The following SH3GL3 variants were observed in gnomAD, a reference collection of about 807,000 sequenced individuals.
SH3GL3 encodes endophilin-A3.
Under a neutral mutation model 47.7 loss-of-function variants are expected in SH3GL3, and 33 were observed. The ratio of observed to expected loss-of-function variants is 0.69; its 90% CI spans 0.52 to 0.92. The LOEUF is 0.92. Among genes scored for constraint, SH3GL3 ranks in the 40% least tolerant of loss-of-function variants. The pLI, the probability that SH3GL3 is intolerant of heterozygous loss-of-function variation, is 0.00. For missense variants in SH3GL3, 363 were observed against 417.8 expected (o/e 0.87, Z 1.14); for synonymous variants, 155 against 148.8 (o/e 1.04, Z -0.30).
At chr15:83,566,401 T>C (rs1233310133) in intron 3 of SH3GL3, among the ~76,000 whole-genome samples, 1 of 150,480 alleles carries the variant, frequency 6.6e-6, no homozygotes, top group Non-Finnish European at 1.5e-5. Flanking sequence ...TGTGTGTGTG[T>C]GTGTGTAGTG....
intron 8 of SH3GL3, among the ~76,000 whole-genome samples, chr15:83,614,936 C>T (rs958157205): frequency 2.6e-5 from 4 of 152,288 alleles, no homozygotes; most frequent in Non-Finnish European, 4.4e-5. Flanking sequence ...AATACCCCAA[C>T]GTACCTATTC....
At chr15:83,588,570 C>T in intron 7 of SH3GL3, 92 bp from the exon 8 acceptor site, 1 of 801,126 alleles carries the variant, frequency 1.2e-6, no homozygotes, top group South Asian at 1.5e-5. Flanking sequence ...TGGCTGTAAC[C>T]TAAGTTCCTG....
chr15:83,561,578 A>G (rs1282781467), intron 2 of SH3GL3, among the ~76,000 whole-genome samples: 1 of 152,206 alleles, frequency 6.6e-6, no homozygotes, highest in Non-Finnish European at 1.5e-5. Flanking sequence ...AAAAGAGATT[A>G]ATAAAATAGA....
At chr15:83,497,404 C>T (rs550864805) in intron 1 of SH3GL3, among the ~76,000 whole-genome samples, 4 of 152,296 alleles carry the variant, frequency 2.6e-5, no homozygotes, top group African/African-American at 9.6e-5. Context: ...CCCCCCTTCT[C>T]GCTATCTCTT....
chr15:83,568,683 CAG>C lies in SH3GL3; in HGVS notation c.331+15_331+16del. 1 of 1,610,340 alleles carries C rather than the reference CAG, an allele frequency of 6.2e-7. No homozygotes were observed. The highest frequency in any genetic ancestry group is 8.5e-7 in the Non-Finnish European group (1 of 1,176,880). On this transcript the variant is annotated intron_variant, in intron 4 of 8. Transcript: ENST00000427482. ...AAGACTCCACCTTTGGTGAGTTATT[CAG>C]AGATCAGCTGGGGGAGCTGAGAACT...
chr15:83,552,688 G>T (rs2732153), intron 1 of SH3GL3, among the ~76,000 whole-genome samples: 121,912 of 152,110 alleles, frequency 0.8, 49,829 homozygotes, highest in African/African-American at 0.86. Flanking sequence ...GGGGGATATA[G>T]GTATATGTGC....
intron 6 of SH3GL3, among the ~76,000 whole-genome samples, 199 bp downstream of exon 6, chr15:83,576,940 C>T (rs1169008514): frequency 5.4e-4 from 3 of 5,520 alleles, no homozygotes; most frequent in African/African-American, 2.5e-3. Context: ...TTTTTTGAGA[C>T]GCTGTCTCGC....
intron 1 of SH3GL3, among the ~76,000 whole-genome samples, chr15:83,532,247 T>G (rs996506239): frequency 6.6e-6 from 1 of 152,128 alleles, no homozygotes; most frequent in Non-Finnish European, 1.5e-5. Flanking sequence ...GTGAAAAAAT[T>G]GAAGTTTGAG....
At chr15:83,611,371 G>T (rs1489149800) in intron 8 of SH3GL3, 1 of 152,008 alleles carries the variant, frequency 6.6e-6, no homozygotes, top group African/African-American at 2.4e-5. Flanking sequence ...CTTTAACAAG[G>T]AAGACTGTGT....
At chr15:83,541,312 A>ATTTTTTTTTTTTTTTTTT (rs71156085) in intron 1 of SH3GL3, among the ~76,000 whole-genome samples, 2 of 47,342 alleles carry the variant, frequency 4.2e-5, no homozygotes, top group African/African-American at 7.0e-5. Flanking sequence ...TGGTAATTCT[A>ATTTTTTTTTTTTTTTTTT]TTTTTTTTTT....
intron 1 of SH3GL3, among the ~76,000 whole-genome samples, chr15:83,499,410 A>AG (rs1870808270): frequency 6.6e-6 from 1 of 151,786 alleles, no homozygotes; most frequent in Non-Finnish European, 1.5e-5. Flanking sequence ...AAAAAAAAAA[A>AG]AGAAAGGCAC....
chr15:83,491,868 G>A (rs1409919334), intron 1 of SH3GL3, among the ~76,000 whole-genome samples: 1 of 152,126 alleles, frequency 6.6e-6, no homozygotes, highest in East Asian at 1.9e-4. Flanking sequence ...CTTTCAAGCC[G>A]GGCAAACCTT....
At chr15:83,608,307 A>G (rs536447897) in intron 8 of SH3GL3, among the ~76,000 whole-genome samples, 2 of 152,288 alleles carry the variant, frequency 1.3e-5, no homozygotes, top group Admixed American at 6.5e-5. Context: ...CAACACTTCA[A>G]ATTTCCAGAT....
intron 2 of SH3GL3, among the ~76,000 whole-genome samples, chr15:83,560,893 G>A (rs984510952): frequency 2.0e-5 from 3 of 151,970 alleles, no homozygotes; most frequent in Non-Finnish European, 4.4e-5. Context: ...AATTAAAAAA[G>A]CTTTTTAATT....
Position 83,587,043 on chromosome 15 carries a change from T to A in SH3GL3, c.685T>A (p.Ser229Thr), listed in dbSNP as rs1364484154. Residue 229 changes from serine to threonine, a missense_variant, in exon 7 of 9, where the codon TCC (serine) becomes ACC (threonine). Ser to Thr is a moderately conservative substitution (Grantham distance 58, BLOSUM62 1). Coordinates refer to ENST00000427482, the MANE Select transcript of SH3GL3 (RefSeq NM_003027.5). Reference protein sequence around the residue: ...IEAALDYHRQSTEILQELQSK... With the variant: ...IEAALDYHRQTTEILQELQSK... ...GGCAGCATTAGACTATCACAGACAG[T>A]CCACAGAGATTCTGCAGGAGCTGCA... 1 of 1,611,076 alleles carries A rather than the reference T, an allele frequency of 6.2e-7. No individual in the cohort carries two copies. Among genetic ancestry groups the A allele is most frequent in the Non-Finnish European group, 8.5e-7 (1 of 1,178,610 alleles).
chr15:83,625,675 T>TA, the SH3GL3 span, among the ~76,000 whole-genome samples: 1 of 152,260 alleles, frequency 6.6e-6, no homozygotes, highest in Non-Finnish European at 1.5e-5. Flanking sequence ...TGTTATTTTT[T>TA]ATTTTAAGTC....
intron 1 of SH3GL3, among the ~76,000 whole-genome samples, chr15:83,468,485 T>C (rs1299711372): frequency 6.6e-6 from 1 of 152,236 alleles, no homozygotes; most frequent in Non-Finnish European, 1.5e-5. Flanking sequence ...TTAAGTGTAG[T>C]GTTCACTGTA....
intron 1 of SH3GL3, among the ~76,000 whole-genome samples, chr15:83,525,346 TTGTG>T (rs2043372523): frequency 1.4e-5 from 1 of 73,948 alleles, no homozygotes; most frequent in Admixed American, 1.7e-4. Context: ...ATGAGATTCT[TTGTG>T]CGTGTGTGTG....
At position 83,447,575 on chromosome 15, in the gene SH3GL3, C is replaced by T; in HGVS notation, c.42C>T (p.Ser14=). 1.3e-6 allele frequency: 2 copies of T among 1,504,136 alleles called. No individual in the cohort carries two copies. The highest frequency in any genetic ancestry group is 1.3e-5 in the South Asian group (1 of 79,736). 93.2% of individuals were successfully genotyped at this position (1,504,136 alleles called of 1,614,324 possible). A position where few individuals can be genotyped will look rare whatever the true frequency, so the allele number is the denominator to read the frequency against. Residue 14 remains serine, a synonymous_variant, in exon 1 of 9, where the codon AGC becomes AGT. Transcript: ENST00000427482. The surrounding 1 kb of genome is among the most constrained non-coding windows in gnomAD (Gnocchi z 5.1). ...TGAAGAAGCAGTTCCACAAAGCCAGCCAGGTAGGGAGGCGCAGAGGAGGGA... is the reference window on the plus strand; with the variant it reads ...TGAAGAAGCAGTTCCACAAAGCCAGTCAGGTAGGGAGGCGCAGAGGAGGGA... The part of the protein sequence containing the change: ...AGLKKQFHKA[S]QLFSEKISGA...
Sources: gnomAD v4.1 joint callset for allele counts (sites outside exome capture counted in the v4.1 genomes callset) on GRCh38, gnomAD v4.1.1 for gene constraint, Gnocchi (gnomAD v3.1) non-coding constraint, MANE v1.5 for transcripts, NCBI Gene and HGNC (gene_info 2026-07-23, HGNC 2026-07-21) for gene names.